Variants in C8orf89 observed in about 807,000 individuals in gnomAD.
The protein encoded by C8orf89 is chromosome 8 open reading frame 89, also known as putative uncharacterized protein C8orf89.
C8orf89 carries 14 observed loss-of-function variants against 15.8 expected under a neutral mutation model. The ratio of observed to expected loss-of-function variants is 0.89; its 90% CI spans 0.59 to 1.39. C8orf89 has a LOEUF of 1.39. Among genes scored for constraint, C8orf89 ranks in the 40% most tolerant of loss-of-function variants. The pLI is 0.00. For synonymous variants in C8orf89, 55 were observed against 62.2 expected, an observed-to-expected ratio of 0.88 and a Z score of 0.54; for missense variants, 181 against 184.5, an observed-to-expected ratio of 0.98 and a Z score of 0.11.
At chr8:73,256,928 A>G (rs1279819704) in intron 2 of C8orf89, 45 bp downstream of exon 2, 2 of 1,460,904 alleles carry the variant, frequency 1.4e-6, no homozygotes, top group Non-Finnish European at 1.8e-6. Flanking sequence ...CAGTATTACT[A>G]CAAATACACA....
At chr8:73,247,290 G>T (rs900817168) in intron 3 of C8orf89, among the ~76,000 whole-genome samples, 11 of 151,674 alleles carry the variant, frequency 7.3e-5, no homozygotes, top group African/African-American at 2.4e-4. Context: ...TTTTATGGCT[G>T]CATAGTATTC....
chr8:73,241,713 C>T, intron 3 of C8orf89, 108 bp from the exon 4 acceptor site: 1 of 921,510 alleles, frequency 1.1e-6, no homozygotes, highest in Non-Finnish European at 1.5e-6. Context: ...ATGACTATTA[C>T]ACACTACTAG....
chr8:73,283,255 G>A, the C8orf89 span, among the ~76,000 whole-genome samples: 1 of 152,176 alleles, frequency 6.6e-6, no homozygotes, highest in African/African-American at 2.4e-5. Context: ...GCAAGTTACT[G>A]GAGAAGGGAA....
the C8orf89 span, among the ~76,000 whole-genome samples, chr8:73,268,448 C>A: frequency 6.6e-6 from 1 of 151,712 alleles, no homozygotes; most frequent in East Asian, 1.9e-4. Flanking sequence ...CACTGCACTC[C>A]AGCCTGGGCG....
chr8:73,254,760 C>A (rs1170968653), intron 2 of C8orf89, among the ~76,000 whole-genome samples: 1 of 152,046 alleles, frequency 6.6e-6, no homozygotes, highest in African/African-American at 2.4e-5. Flanking sequence ...GTACTGGTAC[C>A]AAAACAGAGA....
At chr8:73,262,995 A>C (rs1813557422), upstream of C8orf89, among the ~76,000 whole-genome samples, 1 of 152,174 alleles carries the variant, frequency 6.6e-6, no homozygotes, top group Non-Finnish European at 1.5e-5. Flanking sequence ...TACAGAACTA[A>C]TAAAAAGGCT....
At chr8:73,281,435 C>T in the C8orf89 span, among the ~76,000 whole-genome samples, 1 of 152,034 alleles carries the variant, frequency 6.6e-6, no homozygotes, top group Non-Finnish European at 1.5e-5. Flanking sequence ...GTTATAGATT[C>T]ATTGAGAAAG....
chr8:73,281,075 T>C, the C8orf89 span, among the ~76,000 whole-genome samples: 10 of 152,246 alleles, frequency 6.6e-5, no homozygotes, highest in East Asian at 1.4e-3. Context: ...GTCCTTATAA[T>C]TGTATATATT....
chr8:73,259,118 A>G (rs1310242622), intron 1 of C8orf89, among the ~76,000 whole-genome samples: 1 of 152,208 alleles, frequency 6.6e-6, no homozygotes, highest in Admixed American at 6.5e-5. Context: ...AAAAAAAGAA[A>G]TACAGCTCTT....
chr8:73,255,422 C>T (rs1205351537), intron 2 of C8orf89, among the ~76,000 whole-genome samples: 3 of 151,760 alleles, frequency 2.0e-5, no homozygotes, highest in African/African-American at 7.3e-5. Flanking sequence ...CAATGAGATA[C>T]CATCTCACAC....
chr8:73,259,388 A>T lies in C8orf89; in HGVS notation c.71T>A (p.Leu24Ter). The change falls in exon 1 of 4, where the codon TTG becomes TAG. Residue 24 changes from leucine to a stop codon, truncating the protein, a stop_gained. Coordinates refer to ENST00000624510, the MANE Select transcript of C8orf89 (RefSeq NM_001243237.3). LOFTEE classifies it high-confidence loss of function. ...KFTRSSFGSC[L>*]IFESSWKKAV... ...TTTCTTCCAACTACTCTCAAAAATCAAACAACTGCCAAAGGAACTTCTGGT... is the reference window on the plus strand; with the variant it reads ...TTTCTTCCAACTACTCTCAAAAATCTAACAACTGCCAAAGGAACTTCTGGT... 1.3e-6 allele frequency: 2 copies of T among 1,531,500 alleles called. No individual in the cohort carries two copies. The highest frequency in any genetic ancestry group is 1.4e-5 in the African/African-American group (1 of 73,084). 94.9% of individuals were successfully genotyped at this position (1,531,500 alleles called of 1,614,324 possible).
chr8:73,257,322 A>G (rs909868152), intron 1 of C8orf89, among the ~76,000 whole-genome samples, 196 bp from the exon 2 acceptor site: 8 of 152,158 alleles, frequency 5.3e-5, no homozygotes, highest in Admixed American at 4.6e-4. Context: ...GAGTAGATTA[A>G]GGGGATGATT....
chr8:73,256,852 T>TAAAA (rs34481187), intron 2 of C8orf89, 121 bp downstream of exon 2: 35 of 461,306 alleles, frequency 7.6e-5, no homozygotes, highest in Middle Eastern at 4.2e-4. Context: ...ATCCTTTATG[T>TAAAA]AAAAAAAAAA....
the C8orf89 span, among the ~76,000 whole-genome samples, chr8:73,273,271 G>A: frequency 6.6e-6 from 1 of 152,206 alleles, no homozygotes; most frequent in Non-Finnish European, 1.5e-5. Flanking sequence ...TGCAGACCTG[G>A]GCATCCCTGC....
chr8:73,278,224 G>A, the C8orf89 span, among the ~76,000 whole-genome samples: 109 of 152,224 alleles, frequency 7.2e-4, no homozygotes, highest in Middle Eastern at 3.4e-3. Flanking sequence ...CCCCTAAAAC[G>A]TTATTTGTAC....
chr8:73,262,528 A>C (rs1813547658), upstream of C8orf89, among the ~76,000 whole-genome samples: 1 of 152,164 alleles, frequency 6.6e-6, no homozygotes, highest in Non-Finnish European at 1.5e-5. Flanking sequence ...TTTTTTAAGT[A>C]ACAGCTGGCT....
chr8:73,249,939 G>A (rs1813211735), intron 3 of C8orf89, among the ~76,000 whole-genome samples: 1 of 152,146 alleles, frequency 6.6e-6, no homozygotes, highest in Non-Finnish European at 1.5e-5. Context: ...TTGAAGAAGA[G>A]ACTAATGTGA....
upstream of C8orf89, among the ~76,000 whole-genome samples, chr8:73,262,678 A>T (rs1413067937): frequency 6.6e-6 from 1 of 151,844 alleles, no homozygotes; most frequent in Non-Finnish European, 1.5e-5. Context: ...ACAGCCAAGC[A>T]TAGTGGCATA....
At chr8:73,259,200 T>C in intron 1 of C8orf89, 132 bp downstream of exon 1, 1 of 547,930 alleles carries the variant, frequency 1.8e-6, no homozygotes, top group East Asian at 3.4e-5. Context: ...CCATTTTTCT[T>C]TTTCATCAAT....
Sources: allele counts gnomAD v4.1 joint callset (sites outside exome capture counted in the v4.1 genomes callset), GRCh38; gene constraint gnomAD v4.1.1; transcripts MANE v1.5; gene names NCBI Gene and HGNC (gene_info 2026-07-23, HGNC 2026-07-21).